Variants in LYPD6B observed in about 807,000 individuals in gnomAD.
The protein encoded by LYPD6B is LY6/PLAUR domain containing 6B.
LYPD6B carries 17 observed loss-of-function variants against 22.8 expected under a neutral mutation model. The observed-to-expected ratio is 0.75, with a 90% CI of 0.51 to 1.12. The LOEUF (loss-of-function observed/expected upper bound fraction) is 1.12. LYPD6B is among the 50% of genes most tolerant of loss of function. The pLI is 0.00. For synonymous variants in LYPD6B, 106 were observed against 91.6 expected, an observed-to-expected ratio of 1.16 and a Z score of -0.90; for missense variants, 221 against 258.3, an observed-to-expected ratio of 0.86 and a Z score of 0.99.
chr2:149,141,049 T>G (rs1047420262), intron 2 of LYPD6B, among the ~76,000 whole-genome samples: 1 of 152,192 alleles, frequency 6.6e-6, no homozygotes, highest in Non-Finnish European at 1.5e-5. Context: ...GGAACTTACC[T>G]TCTAATGTGA....
intron 1 of LYPD6B, among the ~76,000 whole-genome samples, chr2:149,100,416 CA>C (rs58068035): frequency 0.31 from 20,984 of 66,918 alleles, 996 homozygotes; most frequent in East Asian, 0.33. Context: ...TTGGCTTTGA[CA>C]AAAAAAAAAA....
chr2:149,060,437 G>A (rs756935611), intron 1 of LYPD6B, among the ~76,000 whole-genome samples: 43 of 152,058 alleles, frequency 2.8e-4, no homozygotes, highest in Non-Finnish European at 5.1e-4. Context: ...TCTGGGAAGG[G>A]GACATATCAT....
At chr2:149,085,115 C>G (rs1685327109) in intron 1 of LYPD6B, among the ~76,000 whole-genome samples, 1 of 152,234 alleles carries the variant, frequency 6.6e-6, no homozygotes, top group Non-Finnish European at 1.5e-5. Flanking sequence ...CCCTCTGACA[C>G]AGGTGCTGAT....
chr2:149,103,881 A>G (rs184566094), intron 1 of LYPD6B, among the ~76,000 whole-genome samples: 1 of 148,714 alleles, frequency 6.7e-6, no homozygotes, highest in Middle Eastern at 3.2e-3. Context: ...GGTGCAAGCA[A>G]TTCTCCTGCC....
At chr2:149,143,550 C>T (rs1688829091) in intron 2 of LYPD6B, among the ~76,000 whole-genome samples, 1 of 150,612 alleles carries the variant, frequency 6.6e-6, no homozygotes, top group African/African-American at 2.4e-5. Context: ...CACCATCACC[C>T]TAAAACAATG....
intron 1 of LYPD6B, among the ~76,000 whole-genome samples, chr2:149,040,472 C>T (rs140447777): frequency 2.0e-5 from 3 of 152,184 alleles, no homozygotes; most frequent in South Asian, 2.1e-4. Context: ...GTGATCTGCC[C>T]GTCTTGGCCT....
intron 1 of LYPD6B, among the ~76,000 whole-genome samples, chr2:149,044,014 G>C (rs990241900): frequency 1.3e-5 from 2 of 152,024 alleles, no homozygotes; most frequent in Admixed American, 1.3e-4. Flanking sequence ...CAACACTACA[G>C]TATCTTGATT....
chr2:149,174,008 A>G (rs1316764454), intron 3 of LYPD6B, among the ~76,000 whole-genome samples: 1 of 152,184 alleles, frequency 6.6e-6, no homozygotes, highest in East Asian at 1.9e-4. Context: ...CACAATATTG[A>G]TGCCTCCTTT....
rs537805464 is a variant in LYPD6B, at chr2:149,157,901, C to T, written c.6-2863C>T. 3.3e-5 allele frequency among the ~76,000 whole-genome samples: 5 copies of T among 152,290 alleles called. No individual in the cohort carries two copies. In the East Asian group the frequency reaches 9.6e-4, roughly 29 times the overall value. On this transcript the variant is annotated intron_variant, in intron 2 of 6. Coordinates refer to ENST00000409642, the MANE Select transcript of LYPD6B (RefSeq NM_177964.5). ...ACTGCAGTATCTGACTTCTTGACAT[C>T]AGCTTTTTGACAGAAGCTCATTATC... is the stretch of plus-strand genomic sequence containing the variant.
chr2:149,202,068 A>G (rs1267588615), intron 3 of LYPD6B, among the ~76,000 whole-genome samples: 5 of 152,192 alleles, frequency 3.3e-5, no homozygotes, highest in East Asian at 1.9e-4. Flanking sequence ...TAAGTTGTCT[A>G]TCATTTATTC....
chr2:149,148,309 G>A (rs1410381355), intron 2 of LYPD6B, among the ~76,000 whole-genome samples: 3 of 152,204 alleles, frequency 2.0e-5, no homozygotes, highest in African/African-American at 4.8e-5. Flanking sequence ...GGACAAATTG[G>A]AGGCTTTTAG....
At chr2:149,100,684 T>G (rs1686161692) in intron 1 of LYPD6B, among the ~76,000 whole-genome samples, 1 of 152,170 alleles carries the variant, frequency 6.6e-6, no homozygotes, top group Non-Finnish European at 1.5e-5. Flanking sequence ...CTCCCACTGG[T>G]CTTTATGAAC....
At chr2:149,120,299 ATATATATATATGTGTATATATATGTG>A (rs1687225994) in intron 1 of LYPD6B, among the ~76,000 whole-genome samples, 2 of 78,800 alleles carry the variant, frequency 2.5e-5, no homozygotes, top group Non-Finnish European at 5.0e-5. Flanking sequence ...GTATATACAC[ATATATATATATGTGTATATATATGTG>A]TATATATATA....
intron 1 of LYPD6B, among the ~76,000 whole-genome samples, chr2:149,059,946 T>TC (rs1683997735): frequency 6.6e-6 from 1 of 151,070 alleles, no homozygotes; most frequent in East Asian, 1.9e-4. Context: ...GGTGCAAAGG[T>TC]GTGAGGGAGT....
At chr2:149,074,734 C>T (rs1005817036) in intron 1 of LYPD6B, among the ~76,000 whole-genome samples, 2 of 152,232 alleles carry the variant, frequency 1.3e-5, no homozygotes, top group Non-Finnish European at 2.9e-5. Flanking sequence ...CACTTACTTT[C>T]CTGGGAAAAG....
intron 3 of LYPD6B, among the ~76,000 whole-genome samples, chr2:149,184,518 G>A (rs1691965052): frequency 1.3e-5 from 2 of 152,170 alleles, no homozygotes; most frequent in African/African-American, 4.8e-5. Flanking sequence ...AGAAGGGAGA[G>A]CAATATTTTG....
intron 1 of LYPD6B, among the ~76,000 whole-genome samples, chr2:149,090,241 TA>T (rs1421199595): frequency 2.0e-5 from 3 of 152,226 alleles, no homozygotes; most frequent in Non-Finnish European, 4.4e-5. Flanking sequence ...TTGAAGGGCA[TA>T]AATCCAGCTT....
At chr2:149,165,507 T>C (rs1690362412) in intron 3 of LYPD6B, among the ~76,000 whole-genome samples, 1 of 152,212 alleles carries the variant, frequency 6.6e-6, no homozygotes, top group Non-Finnish European at 1.5e-5. Flanking sequence ...TTCAGTAATG[T>C]ACCTAAGAAT....
At chr2:149,214,507 AT>A in intron 6 of LYPD6B, 38 bp from the exon 7 acceptor site, 1 of 1,599,158 alleles carries the variant, frequency 6.3e-7, no homozygotes, top group Non-Finnish European at 8.6e-7. Flanking sequence ...TCCCTCTTCT[AT>A]TATTCACTGT....
Sources: gnomAD v4.1 joint callset for allele counts (sites outside exome capture counted in the v4.1 genomes callset) on GRCh38, gnomAD v4.1.1 for gene constraint, MANE v1.5 for transcripts, NCBI Gene and HGNC (gene_info 2026-07-23, HGNC 2026-07-21) for gene names.